The following MMS22L variants were observed in gnomAD, a reference collection of about 807,000 sequenced individuals.
MMS22L encodes protein MMS22-like.
In MMS22L, 74 loss-of-function variants were observed where a neutral mutation model predicts 159.1. The observed-to-expected ratio is 0.47, with a 90% CI of 0.39 to 0.56. MMS22L has a LOEUF of 0.56. Among genes scored for constraint, MMS22L ranks in the 20% least tolerant of loss-of-function variants. The pLI, the probability that MMS22L is intolerant of heterozygous loss-of-function variation, is 0.00. For synonymous variants in MMS22L, 517 were observed against 506.9 expected (o/e 1.02, Z -0.27); for missense variants, 1,351 against 1,422.1 (o/e 0.95, Z 0.80).
intron 14 of MMS22L, among the ~76,000 whole-genome samples, chr6:97,200,613 G>C (rs553388134): frequency 1.8e-4 from 28 of 151,574 alleles, no homozygotes; most frequent in African/African-American, 6.5e-4. Context: ...CTCATCTCCT[G>C]ATGAAAAAAA....
At chr6:97,196,545 T>C (rs1260656958) in intron 14 of MMS22L, among the ~76,000 whole-genome samples, 1 of 152,138 alleles carries the variant, frequency 6.6e-6, no homozygotes, top group Non-Finnish European at 1.5e-5. Flanking sequence ...GAACAGGTCA[T>C]AGAGGATCAT....
At chr6:97,198,226 T>C (rs1443404795) in intron 14 of MMS22L, among the ~76,000 whole-genome samples, 1 of 152,168 alleles carries the variant, frequency 6.6e-6, no homozygotes. Context: ...CAGTTCCAGC[T>C]AAGCTTGTCC....
chr6:97,258,797 C>T (rs1409672824), intron 9 of MMS22L: 1 of 152,078 alleles, frequency 6.6e-6, no homozygotes, highest in Non-Finnish European at 1.5e-5. Context: ...TGTCTTTAGC[C>T]TTATAGTATA....
At chr6:97,193,683 C>G (rs970536891) in intron 14 of MMS22L, among the ~76,000 whole-genome samples, 4 of 152,120 alleles carry the variant, frequency 2.6e-5, no homozygotes, top group African/African-American at 9.7e-5. Flanking sequence ...AGCATTGGGC[C>G]CAATCATAAT....
intron 14 of MMS22L, among the ~76,000 whole-genome samples, chr6:97,227,820 T>G (rs1249609620): frequency 6.6e-6 from 1 of 152,212 alleles, no homozygotes; most frequent in Non-Finnish European, 1.5e-5. Flanking sequence ...CTTAAGAACA[T>G]GTACTTCAAA....
In MMS22L at chr6:97,216,224, T is replaced by C. The variant is rs141816161; in HGVS notation, c.2039+12670A>G. Among the ~76,000 whole-genome samples the C allele has an allele frequency of 2.0e-5, 3 of 152,324 alleles. No homozygotes were observed. In the East Asian group the frequency reaches 5.8e-4, roughly 29 times the overall value. ...AAATAGCTTTAGGGTAACAGTAAGA[T>C]GGTGAGAATAGCTAGAAGTATTTTA... On this transcript the variant is annotated intron_variant, in intron 14 of 24. Transcript: ENST00000683635.
intron 10 of MMS22L, among the ~76,000 whole-genome samples, chr6:97,247,483 C>A (rs966894120): frequency 6.6e-6 from 1 of 152,154 alleles, no homozygotes; most frequent in African/African-American, 2.4e-5. Context: ...AATCCCAGCA[C>A]TTTGGGAGGC....
intron 19 of MMS22L, among the ~76,000 whole-genome samples, chr6:97,170,708 C>A (rs1562413267): frequency 1.3e-5 from 2 of 152,150 alleles, no homozygotes; most frequent in South Asian, 2.1e-4. Context: ...TAATTTTGTT[C>A]ATTTAAGAAC....
At chr6:97,258,337 G>A (rs1187256748) in intron 9 of MMS22L, among the ~76,000 whole-genome samples, 2 of 152,094 alleles carry the variant, frequency 1.3e-5, no homozygotes, top group African/African-American at 4.8e-5. Context: ...TCAGGCTCAT[G>A]TTTACTTTCC....
At chr6:97,191,780 T>C (rs1037964853) in intron 14 of MMS22L, among the ~76,000 whole-genome samples, 4 of 152,318 alleles carry the variant, frequency 2.6e-5, no homozygotes, top group African/African-American at 7.2e-5. Flanking sequence ...TCATACTTGC[T>C]TGTATCTGTG....
intron 11 of MMS22L, among the ~76,000 whole-genome samples, chr6:97,235,926 T>C (rs1450922686): frequency 1.3e-5 from 2 of 152,184 alleles, no homozygotes; most frequent in Non-Finnish European, 2.9e-5. Context: ...GATTTAAAGC[T>C]GTAAAGATAG....
At chr6:97,161,821 T>G (rs1254420414) in intron 22 of MMS22L, among the ~76,000 whole-genome samples, 181 bp downstream of exon 22, 1 of 152,086 alleles carries the variant, frequency 6.6e-6, no homozygotes, top group African/African-American at 2.4e-5. Context: ...ATCTCAGTTT[T>G]TAACCATTTT....
At chr6:97,275,541 T>A (rs1048279839) in intron 4 of MMS22L, among the ~76,000 whole-genome samples, 7 of 151,892 alleles carry the variant, frequency 4.6e-5, no homozygotes, top group Admixed American at 4.6e-4. Context: ...GAAGAATTAT[T>A]AATAGCAGCA....
At chr6:97,227,778 G>A (rs557874838) in intron 14 of MMS22L, among the ~76,000 whole-genome samples, 2 of 152,330 alleles carry the variant, frequency 1.3e-5, no homozygotes, top group African/African-American at 4.8e-5. Flanking sequence ...CTGTGACAGT[G>A]AGTAACCATA....
chr6:97,231,934 C>T (rs1438927570), intron 12 of MMS22L, among the ~76,000 whole-genome samples: 6 of 152,172 alleles, frequency 3.9e-5, no homozygotes, highest in Non-Finnish European at 1.5e-5. Flanking sequence ...ATGCATGGCA[C>T]TGTGGGCTCT....
At chr6:97,193,688 CATA>C (rs1285182662) in intron 14 of MMS22L, among the ~76,000 whole-genome samples, 3 of 152,180 alleles carry the variant, frequency 2.0e-5, no homozygotes, top group East Asian at 1.9e-4. Flanking sequence ...TGGGCCCAAT[CATA>C]ATATTTACTA....
Position 97,145,733 on chromosome 6 carries a change from C to G in MMS22L, c.*1073G>C, listed in dbSNP as rs1002414309. ...TTTTCTTCTCCATGAAGAAACTAGA[C>G]TGAGAAAGGTTACGTAACTAGCTCA... is the stretch of plus-strand genomic sequence containing the variant. On this transcript the variant is annotated 3_prime_UTR_variant, in exon 25 of 25. Transcript: ENST00000683635. The G allele has an allele frequency of 5.9e-5, 9 of 152,080 alleles. No homozygotes were observed. The highest frequency in any genetic ancestry group is 2.2e-4 in the African/African-American group (9 of 41,420). 9.4% of individuals were successfully genotyped at this position (152,080 alleles called of 1,614,324 possible). A position where few individuals can be genotyped will look rare whatever the true frequency, so the allele number is the denominator to read the frequency against.
chr6:97,179,470 T>C lies in MMS22L; in HGVS notation c.2474A>G (p.Tyr825Cys), dbSNP rs761326519. Residue 825 changes from tyrosine to cysteine, a missense_variant, in exon 17 of 25, where the codon TAT (tyrosine) becomes TGT (cysteine). By Grantham distance (194) the Tyr-to-Cys change is radical (BLOSUM62 -2). Coordinates refer to ENST00000683635, the MANE Select transcript of MMS22L (RefSeq NM_001350599.2). ...RSWIRCVLQM[Y>C]IKNLSGPDDL... ...ATCAGGCCCAGAGAGGTTTTTAATATACATTTGCAAAACACAACGAATCCA... is the reference window on the plus strand; with the variant it reads ...ATCAGGCCCAGAGAGGTTTTTAATACACATTTGCAAAACACAACGAATCCA... 6.8e-6 allele frequency: 11 copies of C among 1,613,772 alleles called. No homozygotes were observed. The East Asian group carries it at 2.0e-4, about 29-fold the overall frequency.
At chr6:97,282,167 A>G (rs975045433) in intron 2 of MMS22L, 147 bp downstream of exon 2, 2 of 769,478 alleles carry the variant, frequency 2.6e-6, no homozygotes, top group Non-Finnish European at 4.1e-6. Flanking sequence ...AGCAGAACTG[A>G]TAATCATTTG....
Sources: allele counts gnomAD v4.1 joint callset (sites outside exome capture counted in the v4.1 genomes callset), GRCh38; gene constraint gnomAD v4.1.1; transcripts MANE v1.5; gene names NCBI Gene and HGNC (gene_info 2026-07-23, HGNC 2026-07-21).